The following SMOC2 variants were observed in gnomAD, a reference collection of about 807,000 sequenced individuals.
SMOC2 encodes the protein SPARC-related modular calcium-binding protein 2.
Under a neutral mutation model 61.4 loss-of-function variants are expected in SMOC2, and 39 were observed. The ratio of observed to expected loss-of-function variants is 0.64; its 90% CI spans 0.49 to 0.83. The LOEUF is 0.83. Ranked by LOEUF, SMOC2 falls within the 40% of genes least tolerant of loss-of-function variation. SMOC2 has a pLI of 0.00. For synonymous variants in SMOC2, 247 were observed against 239.9 expected, an observed-to-expected ratio of 1.03 and a Z score of -0.27; for missense variants, 556 against 592.9, an observed-to-expected ratio of 0.94 and a Z score of 0.65.
intron 8 of SMOC2, among the ~76,000 whole-genome samples, chr6:168,605,005 C>G (rs1453572812): frequency 7.2e-5 from 11 of 152,120 alleles, no homozygotes; most frequent in Non-Finnish European, 1.3e-4. Context: ...GTCATGAGTG[C>G]AGGCCCCCAT....
intron 7 of SMOC2, among the ~76,000 whole-genome samples, chr6:168,578,533 G>A (rs948027993): frequency 5.9e-5 from 9 of 152,276 alleles, no homozygotes; most frequent in African/African-American, 1.9e-4. Context: ...CTTGCCCTTG[G>A]TGCAAAAGGG....
At chr6:168,522,978 G>GTGGC (rs1458968166) in intron 2 of SMOC2, among the ~76,000 whole-genome samples, 1 of 152,066 alleles carries the variant, frequency 6.6e-6, no homozygotes, top group Non-Finnish European at 1.5e-5. Flanking sequence ...CTAGGCTGAG[G>GTGGC]TGGCAGTTGC....
intron 8 of SMOC2, 108 bp from the exon 9 acceptor site, chr6:168,608,049 G>C: frequency 2.1e-6 from 2 of 954,342 alleles, no homozygotes; most frequent in South Asian, 1.6e-5. Flanking sequence ...AGAGCCACAG[G>C]TCACGGTGTA....
At chr6:168,604,238 CA>C (rs992791461) in intron 8 of SMOC2, among the ~76,000 whole-genome samples, 1 of 152,092 alleles carries the variant, frequency 6.6e-6, no homozygotes, top group African/African-American at 2.4e-5. Flanking sequence ...TCTTTGGAGC[CA>C]AAAATCCCTT....
intron 12 of SMOC2, chr6:168,664,796 T>C: frequency 4.2e-6 from 2 of 471,182 alleles, no homozygotes; most frequent in Non-Finnish European, 8.8e-6. Context: ...AAGAACACTT[T>C]CCAGAAGATA....
intron 1 of SMOC2, among the ~76,000 whole-genome samples, chr6:168,489,766 T>G (rs1489901062): frequency 6.6e-6 from 1 of 152,064 alleles, no homozygotes; most frequent in African/African-American, 2.4e-5. Flanking sequence ...TGGGTCCTCT[T>G]GGATCACACT....
chr6:168,661,524 C>T (rs559169960), intron 11 of SMOC2, among the ~76,000 whole-genome samples: 1 of 152,092 alleles, frequency 6.6e-6, no homozygotes, highest in Non-Finnish European at 1.5e-5. Context: ...ATTGCTTGAA[C>T]CAGGGAGTTG....
intron 9 of SMOC2, among the ~76,000 whole-genome samples, chr6:168,614,645 C>T (rs762110123): frequency 0.22 from 6,660 of 29,920 alleles, 5 homozygotes; most frequent in Non-Finnish European, 0.25. Context: ...CTCTTCACAC[C>T]TACAGCCAGC....
chr6:168,489,041 A>C (rs1373559743), intron 1 of SMOC2, among the ~76,000 whole-genome samples: 2 of 149,974 alleles, frequency 1.3e-5, no homozygotes, highest in South Asian at 2.1e-4. Flanking sequence ...CCCTTGGATC[A>C]CACTGTTTTA....
chr6:168,623,380 G>A (rs1168698907), intron 9 of SMOC2, among the ~76,000 whole-genome samples: 1 of 147,186 alleles, frequency 6.8e-6, no homozygotes, highest in Non-Finnish European at 1.5e-5. Flanking sequence ...ACCCAGGCTG[G>A]AGTTCAGTGA....
At chr6:168,487,358 GTCT>G (rs941042564) in intron 1 of SMOC2, among the ~76,000 whole-genome samples, 1 of 152,172 alleles carries the variant, frequency 6.6e-6, no homozygotes, top group African/African-American at 2.4e-5. Flanking sequence ...GGGCAAGGCA[GTCT>G]TTATTTCAGA....
At chr6:168,583,955 A>G (rs890463388) in intron 7 of SMOC2, among the ~76,000 whole-genome samples, 1 of 152,252 alleles carries the variant, frequency 6.6e-6, no homozygotes, top group African/African-American at 2.4e-5. Flanking sequence ...GAAACCAAGC[A>G]TCTCCAAAAG....
At chr6:168,537,294 C>G (rs150137589) in intron 4 of SMOC2, among the ~76,000 whole-genome samples, 1 of 140,484 alleles carries the variant, frequency 7.1e-6, no homozygotes, top group Non-Finnish European at 1.6e-5. Flanking sequence ...AGCTGAAAGC[C>G]GGTCCTATTT....
Position 168,510,048 on chromosome 6 carries a change from A to T in SMOC2, c.218A>T (p.Asp73Val). Residue 73 changes from aspartate (D) to valine (V), a missense_variant, in exon 2 of 13, where the codon GAT becomes GTT. Physicochemically the swap from Asp to Val is radical, Grantham distance 152. Coordinates refer to ENST00000356284, the MANE Select transcript of SMOC2 (RefSeq NM_001166412.2). ...RCEFQRAKCK[D>V]PQLEIAYRGN... is the part of the protein sequence containing the mutation. Reference sequence around the variant, plus strand: ...GAATTTCAACGTGCCAAGTGCAAAGATCCCCAGCTAGAGATTGCATATCGA... The same window carrying T: ...GAATTTCAACGTGCCAAGTGCAAAGTTCCCCAGCTAGAGATTGCATATCGA... 2 of 1,614,210 alleles carry T rather than the reference A, an allele frequency of 1.2e-6. No individual in the cohort carries two copies. The highest frequency in any genetic ancestry group is 2.2e-5 in the South Asian group (2 of 91,082).
At chr6:168,583,351 C>G (rs114259418) in intron 7 of SMOC2, among the ~76,000 whole-genome samples, 2,519 of 151,788 alleles carry the variant, frequency 0.017, 63 homozygotes, top group African/African-American at 0.057. Flanking sequence ...CCTTTCCTCA[C>G]CCCTTCCCAG....
At chr6:168,460,438 A>G (rs1781693938) in intron 1 of SMOC2, among the ~76,000 whole-genome samples, 1 of 152,202 alleles carries the variant, frequency 6.6e-6, no homozygotes, top group Non-Finnish European at 1.5e-5. Context: ...ATGAGGACAT[A>G]AAACATTTTA....
chr6:168,554,495 C>T (rs1238137368), intron 7 of SMOC2, among the ~76,000 whole-genome samples: 2 of 152,082 alleles, frequency 1.3e-5, no homozygotes, highest in Admixed American at 6.5e-5. Flanking sequence ...CTCCTGGGCT[C>T]CTGGGCAGCC....
In SMOC2 at chr6:168,544,627, C is replaced by T. The variant is rs910126049; in HGVS notation, c.511+955C>T. ...GATGGAGGTTGCAGTGAGCCGAGAT[C>T]ACGCCACTGCACTCCAGCCTGGGCA... On this transcript the variant is annotated intron_variant, in intron 5 of 12. Coordinates refer to ENST00000356284, the MANE Select transcript of SMOC2 (RefSeq NM_001166412.2). The surrounding 1 kb of genome is among the most constrained non-coding windows in gnomAD (Gnocchi z 4.1). 6.6e-6 allele frequency among the ~76,000 whole-genome samples: 1 copy of T among 152,128 alleles called. No homozygotes were observed. Among genetic ancestry groups the T allele is most frequent in the African/African-American group, 2.4e-5 (1 of 41,438 alleles).
At chr6:168,570,326 C>A (rs111833393) in intron 7 of SMOC2, among the ~76,000 whole-genome samples, 2 of 152,154 alleles carry the variant, frequency 1.3e-5, no homozygotes, top group Non-Finnish European at 1.5e-5. Context: ...GTGGGGGTCT[C>A]TTCAGGAGCA....
Sources: allele counts gnomAD v4.1 joint callset (sites outside exome capture counted in the v4.1 genomes callset), GRCh38; gene constraint gnomAD v4.1.1; non-coding constraint Gnocchi (gnomAD v3.1); transcripts MANE v1.5; gene names NCBI Gene and HGNC (gene_info 2026-07-23, HGNC 2026-07-21).